Variants in FSTL4 observed in about 807,000 individuals in gnomAD.
FSTL4 encodes follistatin like 4.
FSTL4 carries 28 observed loss-of-function variants against 78.2 expected under a neutral mutation model. The observed-to-expected ratio is 0.36, with a 90% CI of 0.27 to 0.49. The LOEUF (loss-of-function observed/expected upper bound fraction) is 0.49. FSTL4 is among the 20% of genes least tolerant of loss of function. The probability of loss-of-function intolerance (pLI) is 0.98; values close to 1 mark genes in which losing one functional copy is unlikely to be tolerated. For synonymous variants in FSTL4, 422 were observed against 440.5 expected (o/e 0.96, Z 0.53); for missense variants, 922 against 1,084.9 (o/e 0.85, Z 2.11).
At chr5:133,602,513 TG>T (rs1760891474) in intron 2 of FSTL4, among the ~76,000 whole-genome samples, 1 of 152,246 alleles carries the variant, frequency 6.6e-6, no homozygotes, top group Non-Finnish European at 1.5e-5. Flanking sequence ...CTTACCTGTG[TG>T]TTTGTCTGTT....
At chr5:133,781,730 T>G in the FSTL4 span, among the ~76,000 whole-genome samples, 1 of 152,042 alleles carries the variant, frequency 6.6e-6, no homozygotes, top group Admixed American at 6.5e-5. Flanking sequence ...GCCCCCACAA[T>G]CAGCATGCCC....
intron 3 of FSTL4, among the ~76,000 whole-genome samples, chr5:133,555,068 A>G (rs4958091): frequency 0.39 from 58,668 of 152,052 alleles, 11,448 homozygotes; most frequent in African/African-American, 0.42. Flanking sequence ...CTCTGGCTCT[A>G]TTTTAAACTG....
the FSTL4 span, among the ~76,000 whole-genome samples, chr5:133,765,384 G>A: frequency 1.2e-4 from 19 of 152,172 alleles, no homozygotes; most frequent in Admixed American, 1.0e-3. Context: ...CAGGATGTCC[G>A]GGGACCTAAT....
At chr5:133,283,104 G>T (rs2126860852) in intron 6 of FSTL4, among the ~76,000 whole-genome samples, 1 of 152,320 alleles carries the variant, frequency 6.6e-6, no homozygotes, top group Non-Finnish European at 1.5e-5. Flanking sequence ...AGGGAAACCT[G>T]CTGCTCACCT....
intron 3 of FSTL4, among the ~76,000 whole-genome samples, chr5:133,501,874 C>A (rs1241834999): frequency 6.6e-6 from 1 of 152,118 alleles, no homozygotes; most frequent in Non-Finnish European, 1.5e-5. Flanking sequence ...GGGCCCTAAT[C>A]CAACATGATT....
At chr5:133,781,705 C>T in the FSTL4 span, among the ~76,000 whole-genome samples, 1 of 152,194 alleles carries the variant, frequency 6.6e-6, no homozygotes, top group Non-Finnish European at 1.5e-5. Context: ...TTGAAACAGA[C>T]ACATGTGCAC....
intron 3 of FSTL4, among the ~76,000 whole-genome samples, chr5:133,520,251 G>C (rs1160286962): frequency 6.6e-6 from 1 of 152,088 alleles, no homozygotes; most frequent in African/African-American, 2.4e-5. Context: ...CAGGACACTG[G>C]AGGAGGTGCA....
intron 3 of FSTL4, among the ~76,000 whole-genome samples, chr5:133,460,204 C>T (rs1266777108): frequency 1.3e-5 from 2 of 152,178 alleles, no homozygotes; most frequent in Admixed American, 1.3e-4. Context: ...TACATCTCTG[C>T]TTATGTTACT....
intron 13 of FSTL4, among the ~76,000 whole-genome samples, chr5:133,212,744 A>G (rs528692775): frequency 1.2e-4 from 19 of 152,324 alleles, no homozygotes; most frequent in African/African-American, 3.1e-4. Flanking sequence ...CTTTTGAAAG[A>G]TATCAGTATA....
At chr5:133,329,954 G>A (rs1754304408) in intron 4 of FSTL4, among the ~76,000 whole-genome samples, 1 of 152,170 alleles carries the variant, frequency 6.6e-6, no homozygotes, top group Admixed American at 6.5e-5. Context: ...TTCCAAGGAT[G>A]CACCTCTGCT....
At chr5:133,717,504 G>A in the FSTL4 span, among the ~76,000 whole-genome samples, 11 of 152,140 alleles carry the variant, frequency 7.2e-5, no homozygotes, top group South Asian at 2.1e-4. Flanking sequence ...TTCCACTCTC[G>A]AGTAACCAGC....
intron 3 of FSTL4, among the ~76,000 whole-genome samples, chr5:133,551,407 A>G (rs1443291868): frequency 1.3e-5 from 2 of 152,230 alleles, no homozygotes; most frequent in Non-Finnish European, 2.9e-5. Context: ...TCAAAACAAT[A>G]CTGCGACTCA....
intron 3 of FSTL4, among the ~76,000 whole-genome samples, chr5:133,425,069 A>G (rs1435005245): frequency 1.3e-5 from 2 of 152,236 alleles, no homozygotes; most frequent in African/African-American, 4.8e-5. Flanking sequence ...GTGAGTATTG[A>G]TAGAAAAGAT....
At chr5:133,798,954 GAGGGAGGGAGGGAGGA>G in the FSTL4 span, among the ~76,000 whole-genome samples, 3,229 of 119,586 alleles carry the variant, frequency 0.027, 575 homozygotes, top group African/African-American at 0.1. Context: ...ATAAGGAAGG[GAGGGAGGGAGGGAGGA>G]AGGGAGGGAG....
the FSTL4 span, among the ~76,000 whole-genome samples, chr5:133,696,810 G>A: frequency 1.3e-5 from 2 of 152,216 alleles, no homozygotes; most frequent in African/African-American, 4.8e-5. Flanking sequence ...GTGGGTACAG[G>A]GGTGTGTGCA....
the FSTL4 span, among the ~76,000 whole-genome samples, chr5:133,671,712 C>A: frequency 6.6e-6 from 1 of 152,064 alleles, no homozygotes; most frequent in Non-Finnish European, 1.5e-5. Flanking sequence ...TGGCTAGCAA[C>A]TTAGAACATT....
At chr5:133,356,802 G>T (rs531883283) in intron 4 of FSTL4, among the ~76,000 whole-genome samples, 1 of 152,220 alleles carries the variant, frequency 6.6e-6, no homozygotes, top group Non-Finnish European at 1.5e-5. Flanking sequence ...TTTGGCAGGG[G>T]ACCCCTCACA....
the FSTL4 span, among the ~76,000 whole-genome samples, chr5:133,761,538 AC>A: frequency 6.6e-6 from 1 of 152,178 alleles, no homozygotes; most frequent in Non-Finnish European, 1.5e-5. Flanking sequence ...CAGATTCCCA[AC>A]AATCGTTTGC....
At chr5:133,751,288 A>G in the FSTL4 span, among the ~76,000 whole-genome samples, 9 of 152,238 alleles carry the variant, frequency 5.9e-5, no homozygotes, top group African/African-American at 1.7e-4. Context: ...CTTTCGGGCT[A>G]AGAACAAGAC....
Sources: allele counts gnomAD v4.1 joint callset (sites outside exome capture counted in the v4.1 genomes callset), GRCh38; gene constraint gnomAD v4.1.1; transcripts MANE v1.5; gene names NCBI Gene and HGNC (gene_info 2026-07-23, HGNC 2026-07-21).